The following GATAD2B variants were observed in gnomAD, a reference collection of about 807,000 sequenced individuals.
GATAD2B encodes transcriptional repressor p66-beta.
A neutral mutation model predicts 64.3 loss-of-function variants in GATAD2B; 8 were observed. The ratio of observed to expected loss-of-function variants is 0.12; its 90% CI spans 0.07 to 0.22. The LOEUF (loss-of-function observed/expected upper bound fraction) is 0.22, where lower values mean the gene tolerates loss of function less well. Ranked by LOEUF, GATAD2B falls within the 10% of genes least tolerant of loss-of-function variation. The pLI, the probability that GATAD2B is intolerant of heterozygous loss-of-function variation, is 1.00. For synonymous variants in GATAD2B, 281 were observed against 271.3 expected (o/e 1.04, Z -0.35); for missense variants, 453 against 752.0 (o/e 0.60, Z 4.65).
intron 1 of GATAD2B, among the ~76,000 whole-genome samples, chr1:153,874,593 T>C (rs1207005989): frequency 6.6e-6 from 1 of 152,146 alleles, no homozygotes; most frequent in Non-Finnish European, 1.5e-5. Flanking sequence ...GTTTTTGTTT[T>C]TGAGACGGAG....
At chr1:153,845,067 A>G (rs1044671387) in intron 1 of GATAD2B, among the ~76,000 whole-genome samples, 5 of 152,218 alleles carry the variant, frequency 3.3e-5, no homozygotes, top group Admixed American at 6.5e-5. Context: ...ACTGCATTCC[A>G]TATTTTCAAA....
rs965007661 is a variant in GATAD2B at position 153,816,139 on chromosome 1, A to C, written c.1216+134T>G. On this transcript the variant is annotated intron_variant, in intron 7 of 10. Coordinates refer to ENST00000368655, the MANE Select transcript of GATAD2B (RefSeq NM_020699.4). This position sits in a 1 kb window ranked among gnomAD's most constrained non-coding sequence, Gnocchi z 4.9. ...ATGTTGCTCCCAAACAGCTGTAAAG[A>C]AGGGAGGGAGGTGGTTTGGTAACAG... 6.4e-6 allele frequency: 4 copies of C among 627,064 alleles called. No individual in the cohort carries two copies. Among genetic ancestry groups the C allele is most frequent in the Non-Finnish European group, 1.1e-5 (4 of 351,836 alleles). The allele number at this position is 627,064 out of a possible 1,614,324, so 38.8% of individuals were successfully genotyped here.
Position 153,852,194 on chromosome 1 carries a change from G to T in GATAD2B, c.-1-23846C>A. On this transcript the variant is annotated intron_variant, in intron 1 of 10. Coordinates refer to ENST00000368655, the MANE Select transcript of GATAD2B (RefSeq NM_020699.4). ...GCATTCTGAGACTCAGTCAGTTGAG[G>T]GTGAAAGGGACCTACCAGCCAGTTG... 3 of 949,046 alleles carry T rather than the reference G, an allele frequency of 3.2e-6. 1 individual carries two copies. In the South Asian group the frequency reaches 4.1e-5, roughly 13 times the overall value. 58.8% of individuals were successfully genotyped at this position (949,046 alleles called of 1,614,324 possible). A position where few individuals can be genotyped will look rare whatever the true frequency, so the allele number is the denominator to read the frequency against.
At chr1:153,857,617 G>A (rs1676134107) in intron 1 of GATAD2B, among the ~76,000 whole-genome samples, 1 of 152,088 alleles carries the variant, frequency 6.6e-6, no homozygotes, top group Non-Finnish European at 1.5e-5. Context: ...TATCAAGTTA[G>A]AAAGTGGGAG....
chr1:153,843,814 C>CAAAA (rs71584146), intron 1 of GATAD2B, among the ~76,000 whole-genome samples: 3 of 120,538 alleles, frequency 2.5e-5, no homozygotes, highest in Non-Finnish European at 4.9e-5. Context: ...CCACCACCAC[C>CAAAA]AAAAAAAAAA....
At chr1:153,907,234 G>C (rs1413181761) in intron 1 of GATAD2B, among the ~76,000 whole-genome samples, 2 of 152,210 alleles carry the variant, frequency 1.3e-5, no homozygotes, top group Admixed American at 6.5e-5. Flanking sequence ...GTTTGCAACA[G>C]CCGAAGGCGG....
chr1:153,811,882 G>A (rs374873172), intron 9 of GATAD2B, 34 bp from the exon 10 acceptor site: 1 of 1,437,534 alleles, frequency 7.0e-7, no homozygotes, highest in African/African-American at 1.4e-5. Context: ...ATACAACTTT[G>A]ATATGATAGA....
chr1:153,878,047 T>C (rs539130511), intron 1 of GATAD2B, among the ~76,000 whole-genome samples: 5 of 152,228 alleles, frequency 3.3e-5, no homozygotes, highest in African/African-American at 9.6e-5. Context: ...TACTCCTTAG[T>C]TTACTTATAA....
chr1:153,843,407 A>G (rs1675566805), intron 1 of GATAD2B, among the ~76,000 whole-genome samples: 2 of 151,412 alleles, frequency 1.3e-5, no homozygotes, highest in South Asian at 4.2e-4. Context: ...GCACCCTCCT[A>G]CCTCAGCCAC....
intron 1 of GATAD2B, 101 bp from the exon 2 acceptor site, chr1:153,828,449 C>CACACAT: frequency 5.0e-6 from 3 of 605,714 alleles, no homozygotes; most frequent in Non-Finnish European, 8.4e-6. Context: ...ATCTCTCTCT[C>CACACAT]ACACATACAC....
chr1:153,840,048 T>C (rs112869657), intron 1 of GATAD2B, among the ~76,000 whole-genome samples: 1 of 138,396 alleles, frequency 7.2e-6, no homozygotes, highest in Non-Finnish European at 1.5e-5. Context: ...TTTTTTTTTT[T>C]TGAGACGGAG....
At chr1:153,853,093 T>G (rs1484989520) in intron 1 of GATAD2B, 15 of 1,499,768 alleles carry the variant, frequency 1.0e-5, no homozygotes, top group East Asian at 4.5e-5. Context: ...CCTTTGGCAT[T>G]GGCAACAACC....
At chr1:153,834,733 AACTTTCATACATGACC>A (rs1675211901) in intron 1 of GATAD2B, among the ~76,000 whole-genome samples, 1 of 152,212 alleles carries the variant, frequency 6.6e-6, no homozygotes, top group Non-Finnish European at 1.5e-5. Context: ...AGTTGATTAT[AACTTTCATACATGACC>A]TTTGACAGGT....
intron 1 of GATAD2B, among the ~76,000 whole-genome samples, chr1:153,904,137 G>A (rs181874993): frequency 5.3e-5 from 8 of 151,962 alleles, no homozygotes; most frequent in Middle Eastern, 6.8e-3. Context: ...AATATTAGCC[G>A]GGCGTGGTGG....
intron 1 of GATAD2B, among the ~76,000 whole-genome samples, chr1:153,891,694 A>G (rs1377901748): frequency 6.9e-6 from 1 of 144,126 alleles, no homozygotes; most frequent in Non-Finnish European, 1.5e-5. Flanking sequence ...AAAGAAGTAG[A>G]TTAAGTTCTG....
At chr1:153,907,770 C>T (rs1677993424) in intron 1 of GATAD2B, among the ~76,000 whole-genome samples, 1 of 151,874 alleles carries the variant, frequency 6.6e-6, no homozygotes, top group East Asian at 1.9e-4. Flanking sequence ...TCCTGAGTAG[C>T]TGGGACTACA....
At chr1:153,839,108 C>CAAAAAAAAA (rs35262137) in intron 1 of GATAD2B, among the ~76,000 whole-genome samples, 969 of 78,506 alleles carry the variant, frequency 0.012, 31 homozygotes, top group East Asian at 0.027. Context: ...GACCCTGTCT[C>CAAAAAAAAA]AAAAAAAAAA....
intron 9 of GATAD2B, 69 bp from the exon 10 acceptor site, chr1:153,811,917 G>T: frequency 7.9e-7 from 1 of 1,269,832 alleles, no homozygotes; most frequent in Non-Finnish European, 1.1e-6. Flanking sequence ...CAAAGATAAG[G>T]GAGTACAGAA....
At chr1:153,896,433 CTT>C (rs35275252) in intron 1 of GATAD2B, among the ~76,000 whole-genome samples, 31,203 of 115,358 alleles carry the variant, frequency 0.27, 3,314 homozygotes, top group Admixed American at 0.36. Context: ...GTAAAATTTT[CTT>C]TTTTTTTTTT....
Sources: allele counts gnomAD v4.1 joint callset (sites outside exome capture counted in the v4.1 genomes callset), GRCh38; gene constraint gnomAD v4.1.1; non-coding constraint Gnocchi (gnomAD v3.1); transcripts MANE v1.5; gene names NCBI Gene and HGNC (gene_info 2026-07-23, HGNC 2026-07-21).